Variants in QTGAL observed in about 807,000 individuals in gnomAD.
The protein encoded by QTGAL is queuosine-tRNA galactosyltransferase, also known as BGnT-like protein 1.
the QTGAL span, among the ~76,000 whole-genome samples, chr17:83,019,606 G>A: frequency 1.3e-5 from 2 of 152,168 alleles, no homozygotes; most frequent in Non-Finnish European, 2.9e-5. Context: ...AGGCGGAGGC[G>A]GCGGGGGCTG....
the QTGAL span, among the ~76,000 whole-genome samples, chr17:82,979,688 T>C: frequency 6.6e-6 from 1 of 152,226 alleles, no homozygotes; most frequent in African/African-American, 2.4e-5. Context: ...TCTATACAAA[T>C]TGATTTGTAA....
the QTGAL span, among the ~76,000 whole-genome samples, chr17:83,015,090 G>A: frequency 1.2e-4 from 17 of 138,470 alleles, no homozygotes; most frequent in Non-Finnish European, 2.5e-4. The surrounding 1 kb of genome is among the most constrained non-coding windows in gnomAD (Gnocchi z 4.4). Context: ...GACCGTCTGC[G>A]GTGAGGACCT....
At chr17:82,993,309 G>A in the QTGAL span, among the ~76,000 whole-genome samples, 15 of 152,120 alleles carry the variant, frequency 9.9e-5, no homozygotes, top group Non-Finnish European at 1.6e-4. Context: ...AAAAGAGCAG[G>A]AGTAGCTATA....
the QTGAL span, chr17:83,014,503 G>T: frequency 6.2e-7 from 1 of 1,614,130 alleles, no homozygotes; most frequent in South Asian, 1.1e-5. Context: ...CACCCGCTGG[G>T]GCATCATGAC....
At chr17:83,028,764 A>G in the QTGAL span, among the ~76,000 whole-genome samples, 8 of 152,092 alleles carry the variant, frequency 5.3e-5, no homozygotes, top group South Asian at 1.7e-3. Context: ...TGCCAATTCC[A>G]CCCCTAGGTA....
At chr17:83,002,879 G>GCACGCCCT in the QTGAL span, among the ~76,000 whole-genome samples, 10 of 64,504 alleles carry the variant, frequency 1.6e-4, no homozygotes, top group East Asian at 6.4e-4. Context: ...GGATTCCTGA[G>GCACGCCCT]CCCGCCCTCC....
chr17:82,970,648 T>TGGCCGTGACCTCTGCACATGGC, the QTGAL span, among the ~76,000 whole-genome samples: 4 of 33,536 alleles, frequency 1.2e-4, no homozygotes, highest in African/African-American at 1.3e-4. Context: ...CCGCACCCGG[T>TGGCCGTGACCTCTGCACATGGC]GTGGCCGCGA....
the QTGAL span, chr17:83,011,542 A>C: frequency 6.6e-6 from 1 of 152,256 alleles, no homozygotes; most frequent in Admixed American, 6.5e-5. Flanking sequence ...ATTTCTAAAA[A>C]ATCCAGCCAC....
the QTGAL span, among the ~76,000 whole-genome samples, chr17:82,983,571 A>G: frequency 6.6e-6 from 1 of 152,160 alleles, no homozygotes; most frequent in Non-Finnish European, 1.5e-5. Context: ...CTCACTTCTC[A>G]TTCCTGCCGA....
chr17:83,001,131 A>G, the QTGAL span, among the ~76,000 whole-genome samples: 1 of 152,380 alleles, frequency 6.6e-6, no homozygotes, highest in African/African-American at 2.4e-5. Context: ...ATACATCAAC[A>G]AAGGTATACA....
chr17:83,044,288 AG>A, the QTGAL span, among the ~76,000 whole-genome samples: 1 of 152,262 alleles, frequency 6.6e-6, no homozygotes, highest in African/African-American at 2.4e-5. Context: ...ATTTTACACC[AG>A]GAACAAGTGG....
the QTGAL span, among the ~76,000 whole-genome samples, chr17:82,963,023 A>AC: frequency 8.8e-4 from 134 of 152,056 alleles, 1 homozygote; most frequent in African/African-American, 3.0e-3. Context: ...GGTGTGGAGG[A>AC]CCCCTGGCGG....
At chr17:83,025,696 G>A in the QTGAL span, among the ~76,000 whole-genome samples, 1 of 151,608 alleles carries the variant, frequency 6.6e-6, no homozygotes, top group African/African-American at 2.4e-5. Flanking sequence ...CGTAAGAAGA[G>A]CAGAGTCAAG....
chr17:82,961,646 G>C, the QTGAL span, among the ~76,000 whole-genome samples: 4 of 152,224 alleles, frequency 2.6e-5, no homozygotes, highest in African/African-American at 9.6e-5. Flanking sequence ...GGCGTGTGGG[G>C]CTGCGGGCAG....
the QTGAL span, among the ~76,000 whole-genome samples, chr17:82,996,043 A>T: frequency 0.013 from 1,918 of 152,336 alleles, 16 homozygotes; most frequent in South Asian, 0.036. Context: ...CAAAGGAGTG[A>T]AAGATCTCTA....
the QTGAL span, among the ~76,000 whole-genome samples, chr17:82,952,706 A>G: frequency 1.3e-5 from 2 of 152,254 alleles, no homozygotes; most frequent in African/African-American, 4.8e-5. Flanking sequence ...CGGACCTAAT[A>G]GACATCTACA....
the QTGAL span, among the ~76,000 whole-genome samples, chr17:83,047,955 CTTTTT>C: frequency 6.6e-6 from 1 of 152,078 alleles, no homozygotes; most frequent in Non-Finnish European, 1.5e-5. Flanking sequence ...TCTTTTCTTT[CTTTTT>C]CTCTTTCTTT....
At chr17:82,946,569 A>AGTGTGTGTGT in the QTGAL span, among the ~76,000 whole-genome samples, 6,997 of 150,264 alleles carry the variant, frequency 0.047, 238 homozygotes, top group Non-Finnish European at 0.069. Flanking sequence ...ACAGAACCCA[A>AGTGTGTGTGT]GTGTGTGTGT....
At chr17:83,051,073 G>A in the QTGAL span, among the ~76,000 whole-genome samples, 1 of 150,914 alleles carries the variant, frequency 6.6e-6, no homozygotes, top group South Asian at 2.1e-4. Context: ...GGTGTGTGGG[G>A]TGCGGGAGCG....
Sources: allele counts gnomAD v4.1 joint callset (sites outside exome capture counted in the v4.1 genomes callset), GRCh38; gene constraint gnomAD v4.1.1; non-coding constraint Gnocchi (gnomAD v3.1); transcripts MANE v1.5; gene names NCBI Gene and HGNC (gene_info 2026-07-23, HGNC 2026-07-21).